ADD1: variants seen among roughly 807,000 people sequenced by gnomAD.
The protein encoded by ADD1 is adducin 1.
In ADD1, 24 loss-of-function variants were observed where a neutral mutation model predicts 80.5. That is an observed-to-expected ratio of 0.30 (90% CI 0.22 to 0.42). The LOEUF (loss-of-function observed/expected upper bound fraction) is 0.42. ADD1 is among the 10% of genes least tolerant of loss of function. The pLI is 1.00. For synonymous variants in ADD1, 373 were observed against 393.8 expected, an observed-to-expected ratio of 0.95 and a Z score of 0.63; for missense variants, 948 against 1,019.0, an observed-to-expected ratio of 0.93 and a Z score of 0.95.
chr4:2,898,981 T>C (rs752341964), intron 8 of ADD1: 7 of 435,900 alleles, frequency 1.6e-5, no homozygotes, highest in Admixed American at 4.1e-5. Context: ...TCTTGACTTA[T>C]GTCTGTGGCG....
At chr4:2,847,563 G>A (rs1238267444) in intron 1 of ADD1, among the ~76,000 whole-genome samples, 1 of 152,134 alleles carries the variant, frequency 6.6e-6, no homozygotes. Flanking sequence ...AGATGAACAC[G>A]TGAACCTCGA....
chr4:2,898,148 G>C (rs1294740272), intron 6 of ADD1, 36 bp from the exon 7 acceptor site: 2 of 1,590,352 alleles, frequency 1.3e-6, no homozygotes, highest in Admixed American at 3.6e-5. Context: ...TGTAACCCCA[G>C]GTTTTCCTTC....
intron 1 of ADD1, among the ~76,000 whole-genome samples, chr4:2,852,138 T>TTTCCTTTCTTTCTTTCTTTCTTTC (rs1342452606): frequency 1.0e-5 from 1 of 97,580 alleles, no homozygotes; most frequent in Non-Finnish European, 2.1e-5. Context: ...ACCCGGCCTC[T>TTTCCTTTCTTTCTTTCTTTCTTTC]TTTCTTTCTT....
At chr4:2,846,768 C>T (rs1726257950) in intron 1 of ADD1, among the ~76,000 whole-genome samples, 2 of 144,014 alleles carry the variant, frequency 1.4e-5, no homozygotes, top group Non-Finnish European at 1.5e-5. Context: ...CCTGGGAGGT[C>T]GAGGCTACAG....
chr4:2,896,912 C>T (rs1249046116), intron 6 of ADD1, among the ~76,000 whole-genome samples: 1 of 152,064 alleles, frequency 6.6e-6, no homozygotes, highest in Non-Finnish European at 1.5e-5. Flanking sequence ...GTGCACGCCA[C>T]TGCACCTGGC....
chr4:2,916,379 A>G (rs1739073867), intron 14 of ADD1, among the ~76,000 whole-genome samples: 1 of 151,744 alleles, frequency 6.6e-6, no homozygotes, highest in Non-Finnish European at 1.5e-5. Flanking sequence ...TATTTTTAGT[A>G]GAGATGGGGT....
chr4:2,880,031 A>G (rs1032783282), intron 2 of ADD1, among the ~76,000 whole-genome samples: 1 of 152,144 alleles, frequency 6.6e-6, no homozygotes, highest in Admixed American at 6.5e-5. Flanking sequence ...TTATTTGCAC[A>G]TATCTCCCTT....
At chr4:2,925,920 G>A (rs917106340) in intron 14 of ADD1, 94 bp from the exon 15 acceptor site, 6 of 1,004,918 alleles carry the variant, frequency 6.0e-6, no homozygotes, top group South Asian at 3.0e-5. Flanking sequence ...CTCAGAGGGC[G>A]GCCGAGCGGG....
intron 1 of ADD1, among the ~76,000 whole-genome samples, chr4:2,858,929 A>G (rs1349876549): frequency 6.6e-6 from 1 of 152,238 alleles, no homozygotes; most frequent in Non-Finnish European, 1.5e-5. Context: ...CAACCTGGGA[A>G]CATATCACCG....
chr4:2,890,193 C>CAAAA (rs764078515), intron 4 of ADD1, among the ~76,000 whole-genome samples: 1 of 79,020 alleles, frequency 1.3e-5, no homozygotes. Context: ...GACTCCGTCT[C>CAAAA]AAAAAAAAAA....
intron 6 of ADD1, among the ~76,000 whole-genome samples, chr4:2,896,747 A>G (rs957915380): frequency 1.3e-5 from 2 of 152,072 alleles, no homozygotes; most frequent in Non-Finnish European, 2.9e-5. Context: ...ATGAACAGCT[A>G]TCACGTAACG....
intron 2 of ADD1, 194 bp from the exon 3 acceptor site, chr4:2,881,704 C>A: frequency 2.3e-6 from 1 of 431,374 alleles, no homozygotes; most frequent in Non-Finnish European, 4.1e-6. Flanking sequence ...GAGTTTTAAG[C>A]TTTTATTGTA....
In ADD1 at chr4:2,926,654, C is replaced by G; in HGVS notation, c.2047+542C>G. ...GCGTCACAAGCAGGAGACGGATGCG[C>G]TAGAGAGTACCTGTTACCCTAGTAA... On this transcript the variant is annotated intron_variant, in intron 15 of 15. Coordinates refer to ENST00000683351, the MANE Select transcript of ADD1 (RefSeq NM_001354761.2). The surrounding 1 kb of genome is among the most constrained non-coding windows in gnomAD (Gnocchi z 5.0). 1 of 1,613,910 alleles carries G rather than the reference C, an allele frequency of 6.2e-7. No individual in the cohort carries two copies. Among genetic ancestry groups the G allele is most frequent in the Non-Finnish European group, 8.5e-7 (1 of 1,179,900 alleles).
chr4:2,869,150 A>G (rs906663069), intron 1 of ADD1, among the ~76,000 whole-genome samples: 2 of 151,988 alleles, frequency 1.3e-5, no homozygotes, highest in East Asian at 1.9e-4. Context: ...GCCCCTCTCT[A>G]TGAGTTTCCT....
Position 2,884,509 on chromosome 4 carries a change from T to C in ADD1, c.359-6T>C. On this transcript the variant is annotated splice_region_variant and splice_polypyrimidine_tract_variant and intron_variant, in intron 3 of 15. Transcript: ENST00000683351. ...CCTGGCTGAGTTTTGTTTTTCTTTA[T>C]TTCAGGTCTTGGTATGGTGACTCCT... is the stretch of plus-strand genomic sequence containing the variant. The C allele has an allele frequency of 6.3e-7, 1 of 1,591,654 alleles. No homozygotes were observed. The highest frequency in any genetic ancestry group is 8.6e-7 in the Non-Finnish European group (1 of 1,164,764).
At chr4:2,871,206 C>G (rs980689914) in intron 1 of ADD1, among the ~76,000 whole-genome samples, 32 of 152,024 alleles carry the variant, frequency 2.1e-4, no homozygotes, top group Non-Finnish European at 4.3e-4. Flanking sequence ...CTCCTCACCT[C>G]GTGATCCACC....
intron 1 of ADD1, among the ~76,000 whole-genome samples, chr4:2,855,187 A>G (rs180671462): frequency 1.4e-4 from 21 of 152,334 alleles, no homozygotes; most frequent in African/African-American, 3.8e-4. Context: ...ATATAAAGTA[A>G]TATTTACAGG....
At chr4:2,874,191 G>A (rs1445608530) in intron 1 of ADD1, among the ~76,000 whole-genome samples, 1 of 152,226 alleles carries the variant, frequency 6.6e-6, no homozygotes, top group African/African-American at 2.4e-5. Context: ...ATTCCAGCCT[G>A]GGTGGCAGAA....
chr4:2,865,138 CA>C (rs1407833219), intron 1 of ADD1, among the ~76,000 whole-genome samples: 1 of 151,732 alleles, frequency 6.6e-6, no homozygotes, highest in Non-Finnish European at 1.5e-5. Flanking sequence ...TCCTTCTCCC[CA>C]CAAAAGATGC....
Sources: gnomAD v4.1 joint callset for allele counts (sites outside exome capture counted in the v4.1 genomes callset) on GRCh38, gnomAD v4.1.1 for gene constraint, Gnocchi (gnomAD v3.1) non-coding constraint, MANE v1.5 for transcripts, NCBI Gene and HGNC (gene_info 2026-07-23, HGNC 2026-07-21) for gene names.